Variants in TATDN1 observed in about 807,000 individuals in gnomAD.
TATDN1 encodes the protein TatD DNase domain containing 1.
TATDN1 carries 40 observed loss-of-function variants against 46.4 expected under a neutral mutation model. The observed-to-expected ratio is 0.86, with a 90% CI of 0.67 to 1.12. The LOEUF (loss-of-function observed/expected upper bound fraction) is 1.12, where lower values mean the gene tolerates loss of function less well. Ranked by LOEUF, TATDN1 falls within the 50% of genes most tolerant of loss-of-function variation. TATDN1 has a pLI of 0.00. For synonymous variants in TATDN1, 95 were observed against 105.6 expected, an observed-to-expected ratio of 0.90 and a Z score of 0.62; for missense variants, 326 against 348.4, an observed-to-expected ratio of 0.94 and a Z score of 0.51.
chr8:124,518,950 T>C, intron 3 of TATDN1, 69 bp from the exon 4 acceptor site: 1 of 928,776 alleles, frequency 1.1e-6, no homozygotes, highest in Non-Finnish European at 1.7e-6. Flanking sequence ...TAAACATGCC[T>C]TCCTACCACT....
At position 124,518,888 on chromosome 8, in the gene TATDN1, T is replaced by C. The variant is rs758746461; in HGVS notation, c.139-7A>G. On this transcript the variant is annotated splice_region_variant and splice_polypyrimidine_tract_variant and intron_variant, in intron 3 of 11. Transcript: ENST00000276692. ...TTCCACCTGTAATCATAAACTGAAATAGAAAGAAAATAAAATAAGCTGACT... is the reference window on the plus strand; with the variant it reads ...TTCCACCTGTAATCATAAACTGAAACAGAAAGAAAATAAAATAAGCTGACT... 6 of 1,594,414 alleles carry C rather than the reference T, an allele frequency of 3.8e-6. No individual in the cohort carries two copies. Among genetic ancestry groups the C allele is most frequent in the African/African-American group, 1.3e-5 (1 of 74,212 alleles).
intron 1 of TATDN1, among the ~76,000 whole-genome samples, chr8:124,529,193 C>A (rs1198178603): frequency 1.3e-5 from 2 of 152,196 alleles, no homozygotes; most frequent in African/African-American, 4.8e-5. Context: ...GGACCTGAGT[C>A]TGCTGGGCCT....
intron 1 of TATDN1, among the ~76,000 whole-genome samples, chr8:124,534,914 C>A (rs981141632): frequency 1.3e-5 from 2 of 152,194 alleles, no homozygotes; most frequent in African/African-American, 4.8e-5. Context: ...TTACTTATTA[C>A]CCATTCATTG....
chr8:124,494,913 G>A (rs1817336591), intron 10 of TATDN1: 1 of 152,556 alleles, frequency 6.6e-6, no homozygotes, highest in Non-Finnish European at 1.5e-5. Context: ...GTAGAGATGT[G>A]GTTTCTCCAT....
intron 11 of TATDN1, among the ~76,000 whole-genome samples, chr8:124,492,205 C>T (rs1817067044): frequency 6.6e-6 from 1 of 152,066 alleles, no homozygotes; most frequent in Non-Finnish European, 1.5e-5. Flanking sequence ...GAGCACCTGA[C>T]CTCAGGTGAT....
intron 1 of TATDN1, among the ~76,000 whole-genome samples, chr8:124,538,670 G>C (rs1461342413): frequency 6.6e-6 from 1 of 152,206 alleles, no homozygotes; most frequent in Non-Finnish European, 1.5e-5. Context: ...TCTCCGCCAA[G>C]GCAGAGGGGA....
intron 6 of TATDN1, among the ~76,000 whole-genome samples, 184 bp downstream of exon 6, chr8:124,515,562 T>G (rs1455869377): frequency 6.6e-6 from 1 of 152,254 alleles, no homozygotes; most frequent in African/African-American, 2.4e-5. Flanking sequence ...GGGAACTATG[T>G]GCTTCCATCC....
At chr8:124,520,088 T>C (rs773599213) in intron 3 of TATDN1, among the ~76,000 whole-genome samples, 6 of 152,202 alleles carry the variant, frequency 3.9e-5, no homozygotes, top group Admixed American at 3.3e-4. Context: ...TGATTAGCTA[T>C]TGCATATCCA....
chr8:124,490,207 G>A (rs1563637390), intron 11 of TATDN1: 1 of 152,150 alleles, frequency 6.6e-6, no homozygotes, highest in African/African-American at 2.4e-5. Flanking sequence ...TCATTTTATT[G>A]AAATCGCTTA....
At position 124,508,348 on chromosome 8, in the gene TATDN1, G is replaced by A. The variant is rs980874720; in HGVS notation, c.516+126C>T. On this transcript the variant is annotated intron_variant, in intron 8 of 11. Coordinates refer to ENST00000276692, the MANE Select transcript of TATDN1 (RefSeq NM_032026.4). ...GTACAATGAATAATCAGAAAGCAAA[G>A]GTGTCATTATCTCATGCCAGTGCTT... 7.0e-6 allele frequency: 5 copies of A among 714,160 alleles called. No individual in the cohort carries two copies. In the African/African-American group the frequency reaches 7.2e-5, roughly 10 times the overall value. 44.2% of individuals were successfully genotyped at this position (714,160 alleles called of 1,614,324 possible).
intron 1 of TATDN1, among the ~76,000 whole-genome samples, chr8:124,533,605 A>C (rs1313955562): frequency 6.6e-6 from 1 of 152,150 alleles, no homozygotes; most frequent in Non-Finnish European, 1.5e-5. Flanking sequence ...CAAGTCTTCC[A>C]ATCTTTGTTT....
chr8:124,535,050 C>A (rs1156774661), intron 1 of TATDN1, among the ~76,000 whole-genome samples: 3 of 152,232 alleles, frequency 2.0e-5, no homozygotes, highest in Non-Finnish European at 4.4e-5. Context: ...ACAACTCAAC[C>A]TTCAGTTTCT....
chr8:124,512,793 G>C (rs910179404), intron 6 of TATDN1, among the ~76,000 whole-genome samples: 1 of 152,194 alleles, frequency 6.6e-6, no homozygotes, highest in Non-Finnish European at 1.5e-5. Context: ...GAAACAAGTA[G>C]AGTGCTGTGT....
chr8:124,493,116 A>G (rs1177683208), intron 11 of TATDN1, among the ~76,000 whole-genome samples: 1 of 152,228 alleles, frequency 6.6e-6, no homozygotes, highest in Non-Finnish European at 1.5e-5. Context: ...TGCATATGCA[A>G]TGAATAGTCT....
intron 1 of TATDN1, among the ~76,000 whole-genome samples, chr8:124,526,507 T>C (rs1820513711): frequency 6.6e-6 from 1 of 152,198 alleles, no homozygotes; most frequent in Non-Finnish European, 1.5e-5. Flanking sequence ...GAGGGAATGA[T>C]AGGAACAAAA....
At chr8:124,492,063 C>T (rs748729740) in intron 11 of TATDN1, among the ~76,000 whole-genome samples, 1 of 151,992 alleles carries the variant, frequency 6.6e-6, no homozygotes, top group African/African-American at 2.4e-5. Context: ...CAACCTCCGC[C>T]TCCCAGGTTC....
chr8:124,519,418 T>C (rs561209634), intron 3 of TATDN1, among the ~76,000 whole-genome samples: 1 of 152,330 alleles, frequency 6.6e-6, no homozygotes, highest in Non-Finnish European at 1.5e-5. Context: ...CAGAAAAAGA[T>C]ATGAAAATTC....
rs554351327 is a variant in TATDN1 at position 124,506,951 on chromosome 8, C to A, written c.516+1523G>T. The stretch of plus-strand genomic sequence containing the variant: ...GCTGATGGGGGGAGGATCATGAGGT[C>A]AAGAGATCGAGACCATCCTGGCCAA... On this transcript the variant is annotated intron_variant, in intron 8 of 11. Coordinates refer to ENST00000276692, the MANE Select transcript of TATDN1 (RefSeq NM_032026.4). 3.3e-5 allele frequency among the ~76,000 whole-genome samples: 5 copies of A among 152,172 alleles called. 1 individual carries two copies. In the South Asian group the frequency reaches 1.0e-3, roughly 32 times the overall value.
At chr8:124,527,236 A>G (rs930619721) in intron 1 of TATDN1, among the ~76,000 whole-genome samples, 2 of 152,254 alleles carry the variant, frequency 1.3e-5, no homozygotes, top group African/African-American at 4.8e-5. Context: ...GCAAACATAC[A>G]TGTTACACAA....
Sources: gnomAD v4.1 joint callset for allele counts (sites outside exome capture counted in the v4.1 genomes callset) on GRCh38, gnomAD v4.1.1 for gene constraint, MANE v1.5 for transcripts, NCBI Gene and HGNC (gene_info 2026-07-23, HGNC 2026-07-21) for gene names.